The following PLXNA2 variants were observed in gnomAD, a reference collection of about 807,000 sequenced individuals.
PLXNA2 encodes plexin-A2.
A neutral mutation model predicts 193.5 loss-of-function variants in PLXNA2; 91 were observed. That is an observed-to-expected ratio of 0.47 (90% CI 0.40 to 0.56). The LOEUF is 0.56. PLXNA2 is among the 20% of genes least tolerant of loss of function. The pLI is 0.00. For missense variants in PLXNA2, 1,995 were observed against 2,503.2 expected (o/e 0.80, Z 4.33); for synonymous variants, 997 against 1,027.3 (o/e 0.97, Z 0.56).
intron 17 of PLXNA2, among the ~76,000 whole-genome samples, chr1:208,047,258 G>A (rs1429097760): frequency 1.1e-5 from 1 of 95,010 alleles, no homozygotes; most frequent in East Asian, 5.3e-4. Context: ...ACTGGGCCCA[G>A]CCTTCTTCAA....
At chr1:208,162,605 C>T (rs1558223167) in intron 3 of PLXNA2, among the ~76,000 whole-genome samples, 2 of 152,294 alleles carry the variant, frequency 1.3e-5, no homozygotes, top group South Asian at 4.1e-4. Context: ...TCCAGGAGTT[C>T]ACAATCAGGC....
intron 2 of PLXNA2, among the ~76,000 whole-genome samples, chr1:208,212,588 G>T (rs969319820): frequency 6.6e-6 from 1 of 152,190 alleles, no homozygotes; most frequent in Non-Finnish European, 1.5e-5. Flanking sequence ...ATCCCATGAT[G>T]CTTGAAATCA....
chr1:208,150,946 A>G (rs1290671021), intron 3 of PLXNA2, among the ~76,000 whole-genome samples: 1 of 152,200 alleles, frequency 6.6e-6, no homozygotes, highest in Non-Finnish European at 1.5e-5. Flanking sequence ...ACACTGGGTG[A>G]TTCAGGAACA....
intron 4 of PLXNA2, among the ~76,000 whole-genome samples, chr1:208,121,464 G>T (rs181758286): frequency 2.6e-5 from 4 of 152,186 alleles, no homozygotes; most frequent in Non-Finnish European, 5.9e-5. Flanking sequence ...ACCAGGTGGA[G>T]GTAATTGAAT....
rs1016050964 is a variant in PLXNA2, at chr1:208,140,038, A to G, written c.1506+2291T>C. On this transcript the variant is annotated intron_variant, in intron 4 of 31. Transcript: ENST00000367033. ...CACTTGACCAGAGGCAGCCCATGGCATGAAACCCAAATTCTTCCTATCTCT... is the reference window on the plus strand; with the variant it reads ...CACTTGACCAGAGGCAGCCCATGGCGTGAAACCCAAATTCTTCCTATCTCT... Among the ~76,000 whole-genome samples, 19 of 152,212 alleles carry G rather than the reference A, an allele frequency of 1.2e-4. 1 individual carries two copies. The highest frequency in any genetic ancestry group is 4.6e-4 in the Admixed American group (7 of 15,282).
intron 9 of PLXNA2, among the ~76,000 whole-genome samples, chr1:208,086,358 AGCCT>A (rs1666519750): frequency 6.6e-6 from 1 of 152,122 alleles, no homozygotes; most frequent in Admixed American, 6.5e-5. Flanking sequence ...GATGAGGTAA[AGCCT>A]GCCTTCTGGG....
chr1:208,098,802 T>G (rs1052396510), intron 6 of PLXNA2, 44 bp downstream of exon 6: 28 of 1,603,260 alleles, frequency 1.7e-5, no homozygotes, highest in Non-Finnish European at 2.0e-5. Context: ...CACAGGTGCA[T>G]GCACTGTATT....
chr1:208,233,476 AAT>A (rs1468455701), intron 1 of PLXNA2, among the ~76,000 whole-genome samples: 2 of 152,196 alleles, frequency 1.3e-5, no homozygotes, highest in Non-Finnish European at 2.9e-5. Flanking sequence ...GTTGGTGGAA[AAT>A]TTGGCCAAGG....
chr1:208,190,500 C>T (rs529453289), intron 3 of PLXNA2, among the ~76,000 whole-genome samples: 12 of 152,326 alleles, frequency 7.9e-5, no homozygotes, highest in African/African-American at 1.2e-4. Flanking sequence ...ACATGGTTGA[C>T]GCTCCAGAAA....
rs1666762504 is a variant in PLXNA2, at chr1:208,092,906, A to C, written c.1983-6T>G. The C allele has an allele frequency of 1.2e-6, 2 of 1,603,034 alleles. No individual in the cohort carries two copies. The highest frequency in any genetic ancestry group is 1.7e-6 in the Non-Finnish European group (2 of 1,170,256). Reference sequence around the variant, plus strand: ...TGTTGACACAGGACAGGCACCTGCAAGGACAGAGATGGTGAGAGGCAAAGA... The same window carrying C: ...TGTTGACACAGGACAGGCACCTGCACGGACAGAGATGGTGAGAGGCAAAGA... On this transcript the variant is annotated splice_polypyrimidine_tract_variant and splice_region_variant and intron_variant, in intron 8 of 31. Transcript: ENST00000367033.
intron 3 of PLXNA2, among the ~76,000 whole-genome samples, chr1:208,170,719 C>A (rs1669469802): frequency 6.6e-6 from 1 of 152,270 alleles, no homozygotes; most frequent in Middle Eastern, 3.4e-3. Flanking sequence ...GCCTTTTACC[C>A]TATAATCTAC....
chr1:208,194,545 A>G (rs1264146607), intron 3 of PLXNA2, among the ~76,000 whole-genome samples: 1 of 151,912 alleles, frequency 6.6e-6, no homozygotes, highest in Non-Finnish European at 1.5e-5. Context: ...ATGTGTACAT[A>G]CATTTTAAAT....
At chr1:208,120,810 G>C (rs2102448797) in intron 4 of PLXNA2, among the ~76,000 whole-genome samples, 1 of 152,266 alleles carries the variant, frequency 6.6e-6, no homozygotes, top group East Asian at 1.9e-4. Flanking sequence ...CTCTTATAAT[G>C]TCTGTGAGGG....
intron 1 of PLXNA2, 116 bp downstream of exon 1, chr1:208,243,527 T>C (rs903553248): frequency 6.6e-6 from 1 of 152,044 alleles, no homozygotes; most frequent in Non-Finnish European, 1.5e-5. Flanking sequence ...CCGGGTCTTC[T>C]GGGGCCGGGA....
At chr1:208,222,811 T>C (rs3748737) in intron 1 of PLXNA2, among the ~76,000 whole-genome samples, 24,306 of 152,136 alleles carry the variant, frequency 0.16, 2,437 homozygotes, top group Middle Eastern at 0.25. Context: ...AAATACGATT[T>C]TGCCAAATTG....
chr1:208,059,169 G>T (rs1665535606), intron 13 of PLXNA2, among the ~76,000 whole-genome samples: 1 of 152,174 alleles, frequency 6.6e-6, no homozygotes, highest in Non-Finnish European at 1.5e-5. Flanking sequence ...AGGGTGCGGG[G>T]CTCTGTAAAG....
chr1:208,219,976 C>T (rs1374375634), intron 1 of PLXNA2, among the ~76,000 whole-genome samples: 4 of 152,176 alleles, frequency 2.6e-5, no homozygotes, highest in African/African-American at 7.2e-5. Context: ...TGAAGAGGAG[C>T]TGTGGAAAGG....
intron 26 of PLXNA2, among the ~76,000 whole-genome samples, chr1:208,035,918 A>G (rs1664657509): frequency 6.6e-6 from 1 of 152,230 alleles, no homozygotes; most frequent in South Asian, 2.1e-4. Flanking sequence ...AAATCTGCAG[A>G]AGCCTGGGAA....
chr1:208,206,339 T>C (rs1430238483), intron 3 of PLXNA2, among the ~76,000 whole-genome samples: 2 of 152,242 alleles, frequency 1.3e-5, no homozygotes, highest in Admixed American at 6.5e-5. Context: ...ACTAACTTTG[T>C]TGAAGCAATA....
Sources: allele counts gnomAD v4.1 joint callset (sites outside exome capture counted in the v4.1 genomes callset), GRCh38; gene constraint gnomAD v4.1.1; transcripts MANE v1.5; gene names NCBI Gene and HGNC (gene_info 2026-07-23, HGNC 2026-07-21).